NAALADL2: variants seen among roughly 807,000 people sequenced by gnomAD.
The protein encoded by NAALADL2 is inactive N-acetylated-alpha-linked acidic dipeptidase-like protein 2.
Under a neutral mutation model 87.2 loss-of-function variants are expected in NAALADL2, and 76 were observed. The ratio of observed to expected loss-of-function variants is 0.87; its 90% CI spans 0.72 to 1.05. NAALADL2 has a LOEUF of 1.05. NAALADL2 is among the 50% of genes least tolerant of loss of function. The pLI, the probability that NAALADL2 is intolerant of heterozygous loss-of-function variation, is 0.00. For missense variants in NAALADL2, 1,089 were observed against 945.8 expected, an observed-to-expected ratio of 1.15 and a Z score of -1.99; for synonymous variants, 354 against 331.0, an observed-to-expected ratio of 1.07 and a Z score of -0.75.
intron 9 of NAALADL2, among the ~76,000 whole-genome samples, chr3:175,492,035 T>A (rs1362946901): frequency 6.6e-6 from 1 of 152,212 alleles, no homozygotes; most frequent in Non-Finnish European, 1.5e-5. Flanking sequence ...TGGGTAAAGC[T>A]CTGTAGCAGT....
chr3:175,368,596 T>TGTGTGTGTGTG (rs397838105), intron 5 of NAALADL2, among the ~76,000 whole-genome samples: 2 of 151,574 alleles, frequency 1.3e-5, no homozygotes, highest in Admixed American at 6.6e-5. Context: ...TGTGTGTGTG[T>TGTGTGTGTGTG]TTATAGCCAG....
chr3:175,008,640 C>A (rs1749362920), intron 1 of NAALADL2, among the ~76,000 whole-genome samples: 1 of 152,090 alleles, frequency 6.6e-6, no homozygotes, highest in African/African-American at 2.4e-5. Flanking sequence ...AAAACCAGAT[C>A]TTGCAGTGGT....
intron 10 of NAALADL2, among the ~76,000 whole-genome samples, chr3:175,592,763 T>A (rs927221544): frequency 7.4e-5 from 11 of 148,052 alleles, no homozygotes; most frequent in African/African-American, 2.7e-4. Flanking sequence ...GGGTGAGGGA[T>A]AGCATTGGGA....
intron 9 of NAALADL2, among the ~76,000 whole-genome samples, chr3:175,513,766 A>C (rs1731482596): frequency 1.3e-5 from 2 of 152,322 alleles, no homozygotes; most frequent in Admixed American, 6.5e-5. Flanking sequence ...CAAGGACTTC[A>C]GAAAGATGTA....
chr3:175,703,884 G>A (rs772145333), intron 11 of NAALADL2, among the ~76,000 whole-genome samples: 4 of 151,986 alleles, frequency 2.6e-5, no homozygotes, highest in East Asian at 1.9e-4. Flanking sequence ...AAATGCATTC[G>A]TTCATATTGA....
At chr3:175,413,043 C>T (rs866807089) in intron 5 of NAALADL2, among the ~76,000 whole-genome samples, 1 of 149,870 alleles carries the variant, frequency 6.7e-6, no homozygotes, top group Admixed American at 6.6e-5. Flanking sequence ...CTCAGCTTCC[C>T]ACGCCCGGTT....
intron 2 of NAALADL2, among the ~76,000 whole-genome samples, chr3:174,706,003 T>C (rs1425108723): frequency 1.3e-5 from 2 of 152,158 alleles, no homozygotes; most frequent in Non-Finnish European, 2.9e-5. Context: ...ATCTCCACTT[T>C]TATAATTTCT....
chr3:175,017,958 A>G (rs1482566284), intron 1 of NAALADL2, among the ~76,000 whole-genome samples: 3 of 152,028 alleles, frequency 2.0e-5, no homozygotes, highest in Admixed American at 6.6e-5. Context: ...CAGAGTGGCA[A>G]GCATATGAAA....
At chr3:175,340,208 T>TAAG (rs1163368407) in intron 5 of NAALADL2, among the ~76,000 whole-genome samples, 1 of 152,162 alleles carries the variant, frequency 6.6e-6, no homozygotes, top group Non-Finnish European at 1.5e-5. Context: ...TTGTTAAGTA[T>TAAG]AAGGAATGCT....
chr3:175,595,616 A>G (rs1363212820), intron 10 of NAALADL2, among the ~76,000 whole-genome samples: 1 of 152,052 alleles, frequency 6.6e-6, no homozygotes, highest in Admixed American at 6.6e-5. Context: ...TTGGAGTCAA[A>G]TCAAGAACAC....
At chr3:175,283,905 CTA>C (rs1404274729) in intron 4 of NAALADL2, among the ~76,000 whole-genome samples, 4 of 152,000 alleles carry the variant, frequency 2.6e-5, no homozygotes, top group African/African-American at 7.3e-5. Context: ...CTCAGATTCA[CTA>C]TGTCTCAAGG....
chr3:175,325,428 C>G (rs867354164), intron 5 of NAALADL2, among the ~76,000 whole-genome samples: 12 of 152,302 alleles, frequency 7.9e-5, no homozygotes, highest in African/African-American at 2.4e-4. Context: ...CTTATCGTTA[C>G]AATTTTAAGT....
chr3:174,837,418 A>C (rs772342683), intron 3 of NAALADL2, among the ~76,000 whole-genome samples: 1 of 152,202 alleles, frequency 6.6e-6, no homozygotes, highest in Non-Finnish European at 1.5e-5. Context: ...TTCTGGAAAG[A>C]TACAACCTTT....
At chr3:174,545,843 T>G (rs1214705184) in intron 1 of NAALADL2, among the ~76,000 whole-genome samples, 2 of 151,282 alleles carry the variant, frequency 1.3e-5, no homozygotes, top group Non-Finnish European at 2.9e-5. Flanking sequence ...TTATTATTTT[T>G]TCATAATTTT....
chr3:175,521,388 C>T (rs999083984), intron 9 of NAALADL2, among the ~76,000 whole-genome samples: 30 of 151,858 alleles, frequency 2.0e-4, no homozygotes, highest in African/African-American at 6.3e-4. Context: ...AAAATATATA[C>T]AATTTAATTA....
chr3:174,449,678 A>C (rs989338542), intron 1 of NAALADL2, among the ~76,000 whole-genome samples: 1 of 152,238 alleles, frequency 6.6e-6, no homozygotes, highest in Non-Finnish European at 1.5e-5. Flanking sequence ...ATTTATGTAT[A>C]TATGAAATAG....
chr3:175,173,309 A>AAATAAAT (rs1553799168), intron 2 of NAALADL2, among the ~76,000 whole-genome samples: 3 of 139,928 alleles, frequency 2.1e-5, no homozygotes, highest in Non-Finnish European at 4.6e-5. Flanking sequence ...ATAAATAAAT[A>AAATAAAT]AAATAAATAA....
intron 2 of NAALADL2, among the ~76,000 whole-genome samples, chr3:174,598,188 A>G (rs1462331018): frequency 3.3e-5 from 5 of 152,178 alleles, no homozygotes; most frequent in African/African-American, 1.2e-4. Flanking sequence ...GGTAAACATC[A>G]TTTAAAATAA....
At chr3:175,649,473 A>G (rs1730452467) in intron 11 of NAALADL2, among the ~76,000 whole-genome samples, 1 of 151,828 alleles carries the variant, frequency 6.6e-6, no homozygotes, top group Admixed American at 6.6e-5. Context: ...ACAAAATACC[A>G]CAGACCAGGT....
Sources: allele counts gnomAD v4.1 joint callset (sites outside exome capture counted in the v4.1 genomes callset), GRCh38; gene constraint gnomAD v4.1.1; transcripts MANE v1.5; gene names NCBI Gene and HGNC (gene_info 2026-07-23, HGNC 2026-07-21).